The following HPSE2 variants were observed in gnomAD, a reference collection of about 807,000 sequenced individuals.
HPSE2 encodes heparanase 2 (inactive).
A neutral mutation model predicts 60.5 loss-of-function variants in HPSE2; 38 were observed. The ratio of observed to expected loss-of-function variants is 0.63; its 90% CI spans 0.48 to 0.82. HPSE2 has a LOEUF of 0.82. Ranked by LOEUF, HPSE2 falls within the 40% of genes least tolerant of loss-of-function variation. The pLI is 0.00. For synonymous variants in HPSE2, 295 were observed against 293.2 expected (o/e 1.01, Z -0.06); for missense variants, 713 against 740.4 (o/e 0.96, Z 0.43).
intron 4 of HPSE2, among the ~76,000 whole-genome samples, chr10:98,728,946 C>CTA (rs1305494427): frequency 6.6e-6 from 1 of 152,008 alleles, no homozygotes; most frequent in Non-Finnish European, 1.5e-5. Context: ...GAGGTTGAGG[C>CTA]TACAGTTGGC....
chr10:98,503,410 C>T (rs1942093594), intron 9 of HPSE2, among the ~76,000 whole-genome samples: 1 of 152,064 alleles, frequency 6.6e-6, no homozygotes, highest in Non-Finnish European at 1.5e-5. Flanking sequence ...TTCTACACTG[C>T]TGGTGGGAAT....
At chr10:98,887,598 C>T (rs1182208928) in intron 3 of HPSE2, among the ~76,000 whole-genome samples, 1 of 152,004 alleles carries the variant, frequency 6.6e-6, no homozygotes, top group Non-Finnish European at 1.5e-5. Context: ...AAGAAATACT[C>T]TCAGGGATGT....
intron 8 of HPSE2, among the ~76,000 whole-genome samples, chr10:98,615,476 A>G (rs1184813679): frequency 6.6e-6 from 1 of 152,024 alleles, no homozygotes; most frequent in Non-Finnish European, 1.5e-5. Context: ...TAACTCATAT[A>G]CTCCTATGAC....
At chr10:99,210,480 T>C (rs1044965852) in intron 2 of HPSE2, among the ~76,000 whole-genome samples, 27 of 152,204 alleles carry the variant, frequency 1.8e-4, no homozygotes, top group African/African-American at 5.1e-4. Flanking sequence ...AAGATAATTA[T>C]GGACCAATAT....
At chr10:99,233,734 AAC>A (rs1418540327) in intron 1 of HPSE2, among the ~76,000 whole-genome samples, 1 of 152,200 alleles carries the variant, frequency 6.6e-6, no homozygotes, top group African/African-American at 2.4e-5. Flanking sequence ...AGGGTCTTGT[AAC>A]CAGAATGGTC....
intron 2 of HPSE2, among the ~76,000 whole-genome samples, chr10:99,159,419 T>C (rs1271850025): frequency 6.6e-6 from 1 of 152,196 alleles, no homozygotes; most frequent in Non-Finnish European, 1.5e-5. Context: ...GAAACAGTTA[T>C]GCATTCTGAT....
chr10:98,671,562 G>C (rs1947507816), intron 6 of HPSE2, among the ~76,000 whole-genome samples: 1 of 152,014 alleles, frequency 6.6e-6, no homozygotes, highest in South Asian at 2.1e-4. Flanking sequence ...AATAACTCTA[G>C]GTGAATAATA....
the HPSE2 span, among the ~76,000 whole-genome samples, chr10:99,286,355 C>G: frequency 0.16 from 24,901 of 152,170 alleles, 3,065 homozygotes; most frequent in African/African-American, 0.34. Flanking sequence ...TAAATAAAAT[C>G]TTATATATGT....
At chr10:98,499,366 C>T (rs1278207619) in intron 9 of HPSE2, among the ~76,000 whole-genome samples, 2 of 152,242 alleles carry the variant, frequency 1.3e-5, no homozygotes, top group South Asian at 4.1e-4. Context: ...TGAAACAAAA[C>T]AATTATCAGT....
intron 9 of HPSE2, among the ~76,000 whole-genome samples, chr10:98,588,255 A>G (rs887429846): frequency 3.3e-5 from 5 of 152,190 alleles, no homozygotes; most frequent in African/African-American, 1.2e-4. Context: ...TGATGTAGGG[A>G]AAGTTTGGAG....
chr10:98,630,247 G>C (rs1003045902), intron 7 of HPSE2, among the ~76,000 whole-genome samples: 13 of 150,228 alleles, frequency 8.7e-5, no homozygotes, highest in Admixed American at 3.3e-4. Context: ...ACCCAGGCTG[G>C]AGTGCAGTGG....
chr10:98,639,977 C>T (rs1946596812), intron 7 of HPSE2, among the ~76,000 whole-genome samples: 1 of 152,132 alleles, frequency 6.6e-6, no homozygotes, highest in Non-Finnish European at 1.5e-5. Flanking sequence ...ATACTAAGCA[C>T]TCAATAAATA....
chr10:99,014,618 T>G (rs1301848886), intron 3 of HPSE2, among the ~76,000 whole-genome samples: 1 of 152,212 alleles, frequency 6.6e-6, no homozygotes, highest in Non-Finnish European at 1.5e-5. Context: ...CAGCATATGT[T>G]ATTTTTTGAC....
intron 9 of HPSE2, among the ~76,000 whole-genome samples, chr10:98,546,619 G>A (rs1357785177): frequency 4.6e-5 from 7 of 151,082 alleles, no homozygotes; most frequent in African/African-American, 1.7e-4. Flanking sequence ...AGCTGAAACT[G>A]GATCCCTTCC....
rs372017642 is a variant in HPSE2 at position 98,600,875 on chromosome 10, G to GTA, written c.1320+14027_1320+14028dup. 2.5e-3 allele frequency among the ~76,000 whole-genome samples: 297 copies of GTA among 119,106 alleles called. 3 individuals are homozygous for GTA. The highest frequency in any genetic ancestry group is 9.5e-3 in the African/African-American group (272 of 28,628). 78.1% of individuals were successfully genotyped at this position (119,106 alleles called of 152,430 possible). On this transcript the variant is annotated intron_variant, in intron 9 of 11. Transcript: ENST00000370552. ...ACATATTATATATATACGTATATAT[G>GTA]TATATATACATATATACGTATATAT... is the stretch of plus-strand genomic sequence containing the variant.
chr10:98,683,562 C>A (rs1947838719), intron 6 of HPSE2, among the ~76,000 whole-genome samples: 1 of 151,626 alleles, frequency 6.6e-6, no homozygotes, highest in Non-Finnish European at 1.5e-5. Flanking sequence ...TAAAAAAGAG[C>A]TTTTGGAAAT....
At chr10:99,264,544 G>T in the HPSE2 span, among the ~76,000 whole-genome samples, 1 of 151,962 alleles carries the variant, frequency 6.6e-6, no homozygotes, top group Non-Finnish European at 1.5e-5. Context: ...AATGAATCTG[G>T]CCTGGCATAT....
rs975701126 is a variant in HPSE2 at position 98,468,564 on chromosome 10, C to T, written c.1614-8825G>A. ...TGGGAGAGCGGCACATTATCTGCAT[C>T]TCCCTTTTAGCGTCCCTCTCAGGCT... On this transcript the variant is annotated intron_variant, in intron 11 of 11. Coordinates refer to ENST00000370552, the MANE Select transcript of HPSE2 (RefSeq NM_021828.5). Among the ~76,000 whole-genome samples, 6 of 152,106 alleles carry T rather than the reference C, an allele frequency of 3.9e-5. No homozygotes were observed. In the East Asian group the frequency reaches 9.7e-4, roughly 25 times the overall value.
chr10:98,666,211 C>A (rs2134099537), intron 6 of HPSE2, among the ~76,000 whole-genome samples: 1 of 152,246 alleles, frequency 6.6e-6, no homozygotes. Flanking sequence ...ATAAAGGATT[C>A]AATTCAACAA....
Sources: allele counts gnomAD v4.1 joint callset (sites outside exome capture counted in the v4.1 genomes callset), GRCh38; gene constraint gnomAD v4.1.1; transcripts MANE v1.5; gene names NCBI Gene and HGNC (gene_info 2026-07-23, HGNC 2026-07-21).